Variants in CAPN13 observed in about 807,000 individuals in gnomAD.
CAPN13 encodes the protein calpain-13.
CAPN13 carries 90 observed loss-of-function variants against 98.4 expected under a neutral mutation model. That is an observed-to-expected ratio of 0.92 (90% CI 0.77 to 1.09). The LOEUF (loss-of-function observed/expected upper bound fraction) is 1.09. CAPN13 is among the 50% of genes least tolerant of loss of function. The pLI is 0.00. For synonymous variants in CAPN13, 330 were observed against 305.5 expected, an observed-to-expected ratio of 1.08 and a Z score of -0.84; for missense variants, 887 against 841.3, an observed-to-expected ratio of 1.05 and a Z score of -0.67.
At chr2:30,798,629 A>G (rs1675012957) in intron 1 of CAPN13, among the ~76,000 whole-genome samples, 1 of 152,246 alleles carries the variant, frequency 6.6e-6, no homozygotes, top group Non-Finnish European at 1.5e-5. Flanking sequence ...TTTCCTGCCC[A>G]GGAGTGCTGC....
At chr2:30,729,235 A>C (rs1670973196) in intron 22 of CAPN13, among the ~76,000 whole-genome samples, 1 of 152,222 alleles carries the variant, frequency 6.6e-6, no homozygotes, top group African/African-American at 2.4e-5. Flanking sequence ...AAGTGCTTTA[A>C]TGATGTGATA....
At chr2:30,754,462 C>A in intron 8 of CAPN13, 98 bp from the exon 9 acceptor site, 3 of 958,606 alleles carry the variant, frequency 3.1e-6, no homozygotes, top group Non-Finnish European at 4.5e-6. Flanking sequence ...TGTCACCATT[C>A]CTGGGGAGCA....
chr2:30,772,132 C>T (rs184548713), intron 4 of CAPN13, among the ~76,000 whole-genome samples: 1 of 152,252 alleles, frequency 6.6e-6, no homozygotes, highest in East Asian at 1.9e-4. Flanking sequence ...ATAAGTTTGC[C>T]ACTCTCAGAG....
At chr2:30,740,489 T>C (rs1442895500) in intron 15 of CAPN13, among the ~76,000 whole-genome samples, 2 of 152,162 alleles carry the variant, frequency 1.3e-5, no homozygotes, top group African/African-American at 2.4e-5. Flanking sequence ...TAAACTTTCT[T>C]TGGAGGACAC....
At chr2:30,739,394 G>A (rs967541867) in intron 15 of CAPN13, among the ~76,000 whole-genome samples, 2 of 152,028 alleles carry the variant, frequency 1.3e-5, no homozygotes, top group Non-Finnish European at 2.9e-5. Context: ...CCCAGGATTG[G>A]CCTTACCACC....
At chr2:30,806,969 C>CACAGCCTGTGTCCCTTAT (rs1558358403) in intron 1 of CAPN13, among the ~76,000 whole-genome samples, 2 of 152,116 alleles carry the variant, frequency 1.3e-5, no homozygotes, top group East Asian at 3.9e-4. Context: ...GTGTCCCTTA[C>CACAGCCTGTGTCCCTTAT]GGTGAACACA....
At chr2:30,740,452 G>T (rs1671599273) in intron 15 of CAPN13, among the ~76,000 whole-genome samples, 1 of 152,240 alleles carries the variant, frequency 6.6e-6, no homozygotes, top group Non-Finnish European at 1.5e-5. Flanking sequence ...AGAGGACACA[G>T]TGAGTGCATG....
chr2:30,764,487 G>T (rs1253373795), intron 5 of CAPN13, among the ~76,000 whole-genome samples, 181 bp from the exon 6 acceptor site: 1 of 152,152 alleles, frequency 6.6e-6, no homozygotes, highest in Non-Finnish European at 1.5e-5. Flanking sequence ...CAGCTCCAGG[G>T]GCTCCTACCA....
intron 6 of CAPN13, among the ~76,000 whole-genome samples, chr2:30,763,779 C>T (rs17324662): frequency 0.2 from 30,692 of 152,128 alleles, 3,546 homozygotes; most frequent in South Asian, 0.33. Flanking sequence ...GCTGAAGCTG[C>T]GTTCACCAGT....
chr2:30,748,178 G>A (rs1424416486), intron 11 of CAPN13, among the ~76,000 whole-genome samples: 4 of 152,174 alleles, frequency 2.6e-5, no homozygotes, highest in Non-Finnish European at 4.4e-5. Context: ...CCTCTTTGGT[G>A]CTTGACCTGG....
Position 30,723,025 on chromosome 2 carries a change from G to A in CAPN13, c.*242C>T, listed in dbSNP as rs1159078993. 2 of 152,224 alleles carry A rather than the reference G, an allele frequency of 1.3e-5. No individual in the cohort carries two copies. The highest frequency in any genetic ancestry group is 4.8e-5 in the African/African-American group (2 of 41,450). 9.4% of individuals were successfully genotyped at this position (152,224 alleles called of 1,614,324 possible). A position where few individuals can be genotyped will look rare whatever the true frequency, so the allele number is the denominator to read the frequency against. On this transcript the variant is annotated 3_prime_UTR_variant, in exon 23 of 23. Coordinates refer to ENST00000295055, the MANE Select transcript of CAPN13 (RefSeq NM_144575.3). Reference sequence around the variant, plus strand: ...TGCTTCCTTTTCCAGGGCAACGTAGGCTGAATACATCCCAAAGTGCTCAGA... The same window carrying A: ...TGCTTCCTTTTCCAGGGCAACGTAGACTGAATACATCCCAAAGTGCTCAGA...
At chr2:30,784,828 A>G (rs1406833135) in intron 2 of CAPN13, among the ~76,000 whole-genome samples, 1 of 152,178 alleles carries the variant, frequency 6.6e-6, no homozygotes, top group Non-Finnish European at 1.5e-5. Context: ...GTACCTTATC[A>G]TAGAGTTACT....
At chr2:30,786,899 T>C (rs1279450858) in intron 2 of CAPN13, among the ~76,000 whole-genome samples, 1 of 152,190 alleles carries the variant, frequency 6.6e-6, no homozygotes, top group Non-Finnish European at 1.5e-5. Flanking sequence ...TTTAATTTAG[T>C]GGTGTACTTA....
Position 30,758,037 on chromosome 2 carries a change from A to G in CAPN13, c.866+9T>C. ...GTGAAGGATGGAGAGAGGTTTCCAG[A>G]AGCCATACCCATCACTCCAGCGCCC... is the stretch of plus-strand genomic sequence containing the variant. On this transcript the variant is annotated intron_variant, in intron 8 of 22. Transcript: ENST00000295055. 1 of 1,595,916 alleles carries G rather than the reference A, an allele frequency of 6.3e-7. No homozygotes were observed. The highest frequency in any genetic ancestry group is 8.5e-7 in the Non-Finnish European group (1 of 1,173,140).
At position 30,743,567 on chromosome 2, in the gene CAPN13, T is replaced by C; in HGVS notation, c.1261A>G (p.Lys421Glu). The change falls in exon 13 of 23, where the codon AAA becomes GAA. Residue 421 changes from lysine (K) to glutamate (E), a missense_variant. Lys to Glu is a moderately conservative substitution (Grantham distance 56, BLOSUM62 1). Coordinates refer to ENST00000295055, the MANE Select transcript of CAPN13 (RefSeq NM_144575.3). ...ILAGSQRFRE[K>E]FPPVFFSSFR... ...GAGGAAAAAAACACGGGTGGAAATT[T>C]CTCCCGGAACCGCTGGAATTAGAGG... 6.2e-7 allele frequency: 1 copy of C among 1,613,934 alleles called. No homozygotes were observed. Among genetic ancestry groups the C allele is most frequent in the South Asian group, 1.1e-5 (1 of 91,084 alleles).
intron 22 of CAPN13, chr2:30,729,789 A>G (rs1670995046): frequency 6.6e-6 from 1 of 152,216 alleles, no homozygotes; most frequent in South Asian, 2.1e-4. Context: ...GTTTACCAAA[A>G]CAATCGAGTT....
At chr2:30,767,506 C>T (rs1289472206) in intron 5 of CAPN13, among the ~76,000 whole-genome samples, 1 of 152,194 alleles carries the variant, frequency 6.6e-6, no homozygotes, top group Admixed American at 6.5e-5. Flanking sequence ...CCACTGGTCT[C>T]CCCGTTTTTA....
At chr2:30,761,417 G>A (rs751187340) in intron 7 of CAPN13, among the ~76,000 whole-genome samples, 13 of 152,108 alleles carry the variant, frequency 8.5e-5, no homozygotes, top group Admixed American at 5.9e-4. Context: ...TTGGACTCCC[G>A]AGCTCCCCTT....
At chr2:30,787,858 G>T (rs761262202) in intron 1 of CAPN13, among the ~76,000 whole-genome samples, 1 of 152,106 alleles carries the variant, frequency 6.6e-6, no homozygotes, top group Non-Finnish European at 1.5e-5. Flanking sequence ...CATAAACTCT[G>T]CAGGGCTGTT....
Sources: allele counts gnomAD v4.1 joint callset (sites outside exome capture counted in the v4.1 genomes callset), GRCh38; gene constraint gnomAD v4.1.1; transcripts MANE v1.5; gene names NCBI Gene and HGNC (gene_info 2026-07-23, HGNC 2026-07-21).